The following BCL2L13 variants were observed in gnomAD, a reference collection of about 807,000 sequenced individuals.
BCL2L13 encodes the protein BCL2 like 13.
In BCL2L13, 13 loss-of-function variants were observed where a neutral mutation model predicts 25.8. That is an observed-to-expected ratio of 0.50 (90% CI 0.33 to 0.80). BCL2L13 has a LOEUF of 0.80. Ranked by LOEUF, BCL2L13 falls within the 30% of genes least tolerant of loss-of-function variation. The probability of loss-of-function intolerance (pLI) is 0.02; values close to 1 mark genes in which losing one functional copy is unlikely to be tolerated. For synonymous variants in BCL2L13, 244 were observed against 230.3 expected (o/e 1.06, Z -0.54); for missense variants, 504 against 574.9 (o/e 0.88, Z 1.26).
chr22:17,703,199 G>A (rs1001642588), intron 6 of BCL2L13: 2 of 138,784 alleles, frequency 1.4e-5, no homozygotes, highest in Non-Finnish European at 3.1e-5. Context: ...ATATGTATAT[G>A]TATATACACA....
At chr22:17,645,918 C>A (rs1364580146) in intron 1 of BCL2L13, among the ~76,000 whole-genome samples, 3 of 151,380 alleles carry the variant, frequency 2.0e-5, no homozygotes, top group Non-Finnish European at 4.4e-5. Context: ...AAAAACAATA[C>A]AAATGATACC....
chr22:17,655,971 G>T, intron 2 of BCL2L13, 139 bp downstream of exon 2: 6 of 836,698 alleles, frequency 7.2e-6, no homozygotes, highest in Non-Finnish European at 1.0e-5. Context: ...GGCTGGGCGC[G>T]GTGGCTCACA....
chr22:17,719,153 CA>C (rs59630355), intron 6 of BCL2L13, among the ~76,000 whole-genome samples: 1,581 of 45,464 alleles, frequency 0.035, 1 homozygote, highest in African/African-American at 0.094. Context: ...GGCTCTGTCT[CA>C]AAAAAAAAAA....
chr22:17,665,837 G>A (rs577105651), intron 2 of BCL2L13, among the ~76,000 whole-genome samples: 4 of 152,002 alleles, frequency 2.6e-5, no homozygotes, highest in South Asian at 2.1e-4. Flanking sequence ...ATAATATGCC[G>A]TTGTATGAAT....
At chr22:17,635,710 ACAAT>A (rs1042542193), upstream of BCL2L13, among the ~76,000 whole-genome samples, 9 of 151,668 alleles carry the variant, frequency 5.9e-5, no homozygotes, top group African/African-American at 2.2e-4. Context: ...TTCCACAAAA[ACAAT>A]CTTTTTTTTT....
intron 1 of BCL2L13, among the ~76,000 whole-genome samples, chr22:17,645,283 G>A (rs182984018): frequency 2.9e-5 from 4 of 136,196 alleles, no homozygotes; most frequent in Admixed American, 1.5e-4. Context: ...AGGCTGGAGT[G>A]CAATCTAGGC....
chr22:17,701,198 G>A (rs866073035), intron 5 of BCL2L13, among the ~76,000 whole-genome samples: 5 of 151,894 alleles, frequency 3.3e-5, no homozygotes, highest in Non-Finnish European at 7.4e-5. Flanking sequence ...GATTGTAATG[G>A]CATCTTTTAT....
intron 1 of BCL2L13, among the ~76,000 whole-genome samples, chr22:17,648,871 TTC>T (rs1362897665): frequency 6.6e-6 from 1 of 152,178 alleles, no homozygotes; most frequent in African/African-American, 2.4e-5. Context: ...GGCAAACGAC[TTC>T]AGTGATGTGG....
At chr22:17,647,957 G>A (rs529415019) in intron 1 of BCL2L13, among the ~76,000 whole-genome samples, 2 of 152,048 alleles carry the variant, frequency 1.3e-5, no homozygotes, top group Non-Finnish European at 1.5e-5. Context: ...TGAAACCCCC[G>A]TCTCTACTAA....
intron 6 of BCL2L13, among the ~76,000 whole-genome samples, chr22:17,707,462 G>A (rs531705442): frequency 6.6e-6 from 1 of 152,106 alleles, no homozygotes; most frequent in Non-Finnish European, 1.5e-5. Flanking sequence ...AGCCCTCAAA[G>A]TTACAAAATG....
At chr22:17,638,745 C>G, upstream of BCL2L13, 1 of 1,231,666 alleles carries the variant, frequency 8.1e-7, no homozygotes, top group Non-Finnish European at 1.0e-6. Flanking sequence ...GAAGGCACGC[C>G]GGGGTGACCT....
intron 6 of BCL2L13, 28 bp from the exon 7 acceptor site, chr22:17,726,646 TTTA>T (rs2061306837): frequency 6.3e-7 from 1 of 1,585,388 alleles, no homozygotes; most frequent in African/African-American, 1.4e-5. Context: ...GTTACCATTC[TTTA>T]TTATTGACGC....
chr22:17,656,509 G>A (rs771521168), intron 2 of BCL2L13, among the ~76,000 whole-genome samples: 33 of 150,806 alleles, frequency 2.2e-4, no homozygotes, highest in African/African-American at 4.1e-4. Context: ...CACCATGCCC[G>A]GCTAATTTTT....
chr22:17,631,670 G>GTGTA (rs1203626385), intron 1 of BCL2L13, among the ~76,000 whole-genome samples: 73 of 26,850 alleles, frequency 2.7e-3, no homozygotes, highest in South Asian at 0.01. Context: ...GTGTGTGTGT[G>GTGTA]TATATATATA....
At chr22:17,655,260 C>A (rs1230401703) in intron 1 of BCL2L13, among the ~76,000 whole-genome samples, 1 of 151,402 alleles carries the variant, frequency 6.6e-6, no homozygotes, top group Non-Finnish European at 1.5e-5. Flanking sequence ...CTTCTGGAAT[C>A]CCTCCTGGAG....
At chr22:17,639,277 G>A (rs1413230699) in intron 1 of BCL2L13, among the ~76,000 whole-genome samples, 2 of 152,218 alleles carry the variant, frequency 1.3e-5, no homozygotes, top group Non-Finnish European at 2.9e-5. Flanking sequence ...GTTTTCCTGC[G>A]ATTCACTTAG....
intron 1 of BCL2L13, among the ~76,000 whole-genome samples, chr22:17,649,188 C>G (rs1002271702): frequency 1.3e-5 from 2 of 152,028 alleles, no homozygotes; most frequent in Admixed American, 1.3e-4. Flanking sequence ...ACTTCTGCCT[C>G]CCAGGCTCAA....
At chr22:17,647,444 C>G (rs920235331) in intron 1 of BCL2L13, among the ~76,000 whole-genome samples, 6 of 151,886 alleles carry the variant, frequency 4.0e-5, no homozygotes, top group Non-Finnish European at 8.8e-5. Context: ...TTTTTTTCCC[C>G]CCGTCCATTC....
chr22:17,640,605 C>T (rs1453653143), intron 1 of BCL2L13, among the ~76,000 whole-genome samples: 1 of 151,840 alleles, frequency 6.6e-6, no homozygotes, highest in Non-Finnish European at 1.5e-5. Flanking sequence ...CACTGTAATC[C>T]CAGCACTTTG....
Sources: allele counts gnomAD v4.1 joint callset (sites outside exome capture counted in the v4.1 genomes callset), GRCh38; gene constraint gnomAD v4.1.1; transcripts MANE v1.5; gene names NCBI Gene and HGNC (gene_info 2026-07-23, HGNC 2026-07-21).